Variants in GRM5 observed in about 807,000 individuals in gnomAD.
GRM5 encodes metabotropic glutamate receptor 5.
Under a neutral mutation model 83.1 loss-of-function variants are expected in GRM5, and 19 were observed. That is an observed-to-expected ratio of 0.23 (90% CI 0.16 to 0.34). The LOEUF (loss-of-function observed/expected upper bound fraction) is 0.34. Among genes scored for constraint, GRM5 ranks in the 10% least tolerant of loss-of-function variants. The pLI, the probability that GRM5 is intolerant of heterozygous loss-of-function variation, is 1.00. For synonymous variants in GRM5, 675 were observed against 633.6 expected (o/e 1.07, Z -0.98); for missense variants, 1,160 against 1,588.3 (o/e 0.73, Z 4.58).
chr11:88,808,391 C>A (rs1465913344), intron 3 of GRM5, among the ~76,000 whole-genome samples: 2 of 151,540 alleles, frequency 1.3e-5, no homozygotes, highest in African/African-American at 4.9e-5. Flanking sequence ...AAATAATTTA[C>A]AGATGGTCAG....
intron 3 of GRM5, among the ~76,000 whole-genome samples, chr11:88,761,373 A>T (rs939893206): frequency 1.3e-5 from 2 of 151,934 alleles, no homozygotes; most frequent in African/African-American, 4.8e-5. Flanking sequence ...CAAAACCAAC[A>T]TTAAAATGTT....
At chr11:88,585,253 T>C (rs1403060274) in intron 7 of GRM5, among the ~76,000 whole-genome samples, 1 of 152,228 alleles carries the variant, frequency 6.6e-6, no homozygotes, top group Non-Finnish European at 1.5e-5. Context: ...CAGTGTTACA[T>C]AAAACTTATA....
chr11:88,677,794 G>C (rs184646913), intron 3 of GRM5, among the ~76,000 whole-genome samples: 4 of 152,066 alleles, frequency 2.6e-5, no homozygotes, highest in East Asian at 3.9e-4. Flanking sequence ...CATTTGATTT[G>C]CTACATTAAA....
intron 1 of GRM5, among the ~76,000 whole-genome samples, chr11:89,049,674 T>C (rs571548872): frequency 2.0e-5 from 3 of 152,308 alleles, no homozygotes; most frequent in South Asian, 4.1e-4. Flanking sequence ...AGTCTTCCTA[T>C]GTACAGTGAC....
At chr11:88,940,017 T>TA (rs1014431542) in intron 2 of GRM5, among the ~76,000 whole-genome samples, 3 of 152,022 alleles carry the variant, frequency 2.0e-5, no homozygotes, top group African/African-American at 7.2e-5. Context: ...TCTTTTATAT[T>TA]ATGTGTTATC....
chr11:88,525,937 G>C (rs1345879933), intron 8 of GRM5, among the ~76,000 whole-genome samples: 2 of 152,104 alleles, frequency 1.3e-5, no homozygotes, highest in African/African-American at 4.8e-5. Flanking sequence ...TTGAATACAG[G>C]GAATCTAAGT....
At chr11:88,849,316 A>AG (rs1328937788) in intron 3 of GRM5, among the ~76,000 whole-genome samples, 1 of 152,158 alleles carries the variant, frequency 6.6e-6, no homozygotes, top group African/African-American at 2.4e-5. Flanking sequence ...CCACAACAAC[A>AG]GGGAATGTGC....
chr11:88,637,441 C>T (rs542472493), intron 4 of GRM5, among the ~76,000 whole-genome samples: 26 of 152,164 alleles, frequency 1.7e-4, no homozygotes, highest in African/African-American at 6.3e-4. Context: ...CTACAGTGAA[C>T]TCAAACAAAT....
intron 2 of GRM5, among the ~76,000 whole-genome samples, chr11:88,974,608 T>C (rs1939274634): frequency 2.0e-5 from 3 of 152,158 alleles, no homozygotes; most frequent in African/African-American, 7.2e-5. Flanking sequence ...TATAGAATCA[T>C]TTCAGAATAC....
At chr11:88,844,863 GACTGA>G in intron 3 of GRM5, among the ~76,000 whole-genome samples, 1 of 152,316 alleles carries the variant, frequency 6.6e-6, no homozygotes, top group East Asian at 1.9e-4. Context: ...TCAAAGATGG[GACTGA>G]ACTCCTACAA....
chr11:88,805,211 G>T lies in GRM5; in HGVS notation c.911+44695C>A, dbSNP rs1314662008. ...TTTATTTTATTTATTTATTTATTTT[G>T]AGACAGAGTCTCACTCTGTTGCCAG... On this transcript the variant is annotated intron_variant, in intron 3 of 9. Transcript: ENST00000305447. Among the ~76,000 whole-genome samples the T allele has an allele frequency of 2.0e-5, 3 of 152,010 alleles. No homozygotes were observed. The East Asian group carries it at 5.8e-4, about 29-fold the overall frequency.
intron 3 of GRM5, among the ~76,000 whole-genome samples, chr11:88,782,548 G>GA (rs1307231241): frequency 6.6e-6 from 1 of 152,094 alleles, no homozygotes; most frequent in Non-Finnish European, 1.5e-5. Context: ...TTTGGGTGGG[G>GA]ACACAGTCAA....
At chr11:89,064,088 A>G (rs1942052732) in intron 1 of GRM5, among the ~76,000 whole-genome samples, 2 of 152,122 alleles carry the variant, frequency 1.3e-5, no homozygotes, top group South Asian at 4.2e-4. Context: ...GGGAATATCC[A>G]TTATCTTCTT....
chr11:88,567,779 A>G lies in GRM5; in HGVS notation c.1904T>C (p.Leu635Pro). The change falls in exon 8 of 10, where the codon CTC becomes CCC. Residue 635 changes from leucine (L) to proline (P), a missense_variant. Physicochemically the swap from Leu to Pro is moderately conservative, Grantham distance 98. Around this residue, in one of 9 missense-constraint regions of GRM5, gnomAD observed 132 missense variants for 245.5 expected, o/e 0.54. Coordinates refer to ENST00000305447, the MANE Select transcript of GRM5 (RefSeq NM_001143831.3). The surrounding 1 kb of genome is among the most constrained non-coding windows in gnomAD (Gnocchi z 7.3). ...GTAAATCTGTTTGGGCTTCGCAATGAGGCAGAAGGTACATAAGTAGCCCAG... is the reference window on the plus strand; with the variant it reads ...GTAAATCTGTTTGGGCTTCGCAATGGGGCAGAAGGTACATAAGTAGCCCAG... ...ICLGYLCTFC[L>P]IAKPKQIYCY... 1 of 1,614,032 alleles carries G rather than the reference A, an allele frequency of 6.2e-7. No individual in the cohort carries two copies. The highest frequency in any genetic ancestry group is 1.1e-5 in the South Asian group (1 of 91,088).
rs142048447 is a variant in GRM5, at chr11:88,638,285, C to G, written c.1147+14883G>C. ...CTAACCTGTACATTGTGCACATGTA[C>G]CCTAAAACTTGAAGTATAATAATAA... On this transcript the variant is annotated intron_variant, in intron 4 of 9. Coordinates refer to ENST00000305447, the MANE Select transcript of GRM5 (RefSeq NM_001143831.3). 9.1e-3 allele frequency among the ~76,000 whole-genome samples: 1,383 copies of G among 151,284 alleles called. 24 individuals are homozygous for G. Among genetic ancestry groups the G allele is most frequent in the African/African-American group, 0.032 (1,308 of 41,154 alleles).
intron 3 of GRM5, among the ~76,000 whole-genome samples, chr11:88,735,849 C>T (rs1032898103): frequency 6.6e-6 from 1 of 152,036 alleles, no homozygotes; most frequent in African/African-American, 2.4e-5. Context: ...CAGCCACAGG[C>T]TCTTTCCCAA....
At chr11:88,586,628 G>A (rs906413627) in intron 7 of GRM5, among the ~76,000 whole-genome samples, 1 of 152,194 alleles carries the variant, frequency 6.6e-6, no homozygotes, top group Non-Finnish European at 1.5e-5. Context: ...CCATCAGGAT[G>A]TTCTTCTAGC....
At chr11:89,054,705 T>C (rs1439056187) in intron 1 of GRM5, among the ~76,000 whole-genome samples, 1 of 148,668 alleles carries the variant, frequency 6.7e-6, no homozygotes, top group Non-Finnish European at 1.5e-5. Context: ...AGAAACTTCC[T>C]TTTGTGAAGT....
At chr11:88,576,421 C>G (rs1440769599) in intron 7 of GRM5, among the ~76,000 whole-genome samples, 1 of 152,108 alleles carries the variant, frequency 6.6e-6, no homozygotes, top group African/African-American at 2.4e-5. Flanking sequence ...TGTTGTATTT[C>G]TAGTGCTAGT....
Sources: gnomAD v4.1 joint callset for allele counts (sites outside exome capture counted in the v4.1 genomes callset) on GRCh38, gnomAD v4.1.1 for gene constraint, gnomAD v4.1.1 regional missense constraint, Gnocchi (gnomAD v3.1) non-coding constraint, MANE v1.5 for transcripts, NCBI Gene and HGNC (gene_info 2026-07-23, HGNC 2026-07-21) for gene names.